RTCB: variants seen among roughly 807,000 people sequenced by gnomAD.
RTCB encodes the protein RNA-splicing ligase RTCB.
Under a neutral mutation model 58.2 loss-of-function variants are expected in RTCB, and 32 were observed. The ratio of observed to expected loss-of-function variants is 0.55; its 90% CI spans 0.41 to 0.74. The LOEUF (loss-of-function observed/expected upper bound fraction) is 0.74, where lower values mean the gene tolerates loss of function less well. Ranked by LOEUF, RTCB falls within the 30% of genes least tolerant of loss-of-function variation. The probability of loss-of-function intolerance (pLI) is 0.00; values close to 1 mark genes in which losing one functional copy is unlikely to be tolerated. For missense variants in RTCB, 523 were observed against 639.0 expected (o/e 0.82, Z 1.96); for synonymous variants, 247 against 218.6 (o/e 1.13, Z -1.15).
At chr22:32,408,883 T>C in intron 1 of RTCB, 50 bp from the exon 2 acceptor site, 2 of 1,286,036 alleles carry the variant, frequency 1.6e-6, no homozygotes, top group South Asian at 1.2e-5. Flanking sequence ...GCGCGGCAAG[T>C]GTAGGCACTG....
intron 7 of RTCB, among the ~76,000 whole-genome samples, chr22:32,397,656 G>C (rs1933268414): frequency 6.6e-6 from 1 of 152,162 alleles, no homozygotes; most frequent in South Asian, 2.1e-4. Context: ...TAACTCATAA[G>C]AGTAAACATA....
chr22:32,394,919 G>A (rs958033978), intron 9 of RTCB, 107 bp downstream of exon 9: 15 of 919,564 alleles, frequency 1.6e-5, no homozygotes, highest in Admixed American at 2.3e-5. Context: ...GAGTGACAGA[G>A]TATTTTCTTT....
chr22:32,408,952 G>A (rs919102424), intron 1 of RTCB, 119 bp from the exon 2 acceptor site: 61 of 717,732 alleles, frequency 8.5e-5, no homozygotes, highest in Non-Finnish European at 1.4e-4. Context: ...ACACTTTCAC[G>A]TTACCTTAAG....
rs761572342 is a variant in RTCB at position 32,394,017 on chromosome 22, A to C, written c.1180-15T>G. 7 of 1,539,592 alleles carry C rather than the reference A, an allele frequency of 4.5e-6. No individual in the cohort carries two copies. The highest frequency in any genetic ancestry group is 3.4e-4 in the Middle Eastern group (2 of 5,948). ...TGTCCAGTGAGCTGAGGATGCACATAAATCAAACATGTTAAAATTCAGAAA... is the reference window on the plus strand; with the variant it reads ...TGTCCAGTGAGCTGAGGATGCACATCAATCAAACATGTTAAAATTCAGAAA... On this transcript the variant is annotated splice_polypyrimidine_tract_variant and intron_variant, in intron 9 of 11. Transcript: ENST00000216038.
Position 32,406,774 on chromosome 22 carries a change from T to C in RTCB, c.241-13A>G, listed in dbSNP as rs1040741268. On this transcript the variant is annotated splice_polypyrimidine_tract_variant and intron_variant, in intron 3 of 11. Coordinates refer to ENST00000216038, the MANE Select transcript of RTCB (RefSeq NM_014306.5). ...GCCCAATAGATCGCTGAAAAAGAAT[T>C]AGAAAATGAAATACAAGTGTCTTGA... 6 of 1,587,352 alleles carry C rather than the reference T, an allele frequency of 3.8e-6. No homozygotes were observed. The highest frequency in any genetic ancestry group is 1.7e-4 in the Middle Eastern group (1 of 6,012).
intron 2 of RTCB, 86 bp downstream of exon 2, chr22:32,408,669 G>A (rs2076043): frequency 0.72 from 705,012 of 974,224 alleles, 256,284 homozygotes; most frequent in African/African-American, 0.87. Context: ...CAATATTTCA[G>A]AATTATAATT....
chr22:32,411,768 G>A (rs1933528458), intron 1 of RTCB, among the ~76,000 whole-genome samples: 1 of 152,142 alleles, frequency 6.6e-6, no homozygotes, highest in Non-Finnish European at 1.5e-5. Flanking sequence ...CTCACGATAC[G>A]TTTATGAGAC....
At chr22:32,396,325 A>G (rs1308312291) in intron 7 of RTCB, 76 bp from the exon 8 acceptor site, 8 of 1,431,844 alleles carry the variant, frequency 5.6e-6, no homozygotes, top group Non-Finnish European at 7.7e-6. Flanking sequence ...GCAGAAAGGT[A>G]GGCTACATTC....
intron 7 of RTCB, among the ~76,000 whole-genome samples, chr22:32,397,733 T>A (rs1933269652): frequency 6.6e-6 from 1 of 152,246 alleles, no homozygotes; most frequent in African/African-American, 2.4e-5. Context: ...TTACATATAT[T>A]ATTAACTTTC....
intron 10 of RTCB, chr22:32,392,614 T>G (rs1457271192): frequency 1.7e-6 from 1 of 582,638 alleles, no homozygotes; most frequent in African/African-American, 1.9e-5. Flanking sequence ...TAAGACCCAC[T>G]AAATGCCAAT....
At chr22:32,394,246 G>A (rs1207416067) in intron 9 of RTCB, among the ~76,000 whole-genome samples, 3 of 151,872 alleles carry the variant, frequency 2.0e-5, no homozygotes, top group African/African-American at 7.3e-5. Flanking sequence ...CGAGTTGCTG[G>A]GACCACAGGC....
intron 5 of RTCB, among the ~76,000 whole-genome samples, chr22:32,400,270 C>G (rs1428922454): frequency 2.0e-5 from 3 of 152,204 alleles, no homozygotes; most frequent in Non-Finnish European, 4.4e-5. Flanking sequence ...GTTTTCCCAT[C>G]TTCACAGAAG....
Position 32,408,822 on chromosome 22 carries a change from A to G in RTCB, c.105T>C (p.Val35=). Residue 35 remains valine, a synonymous_variant, in exon 2 of 12, where the codon GTT becomes GTC. Transcript: ENST00000216038. ...GFVPNMQVEG[V]FYVNDALEKL... The stretch of plus-strand genomic sequence containing the variant: ...TCTCCAGAGCATCATTCACATAGAA[A>G]ACACCTTCAACCTAGTACCAAGGAA... The G allele has an allele frequency of 6.2e-7, 1 of 1,613,410 alleles. No individual in the cohort carries two copies. The highest frequency in any genetic ancestry group is 8.5e-7 in the Non-Finnish European group (1 of 1,179,318).
chr22:32,407,236 A>G (rs1933440927), intron 3 of RTCB: 1 of 157,824 alleles, frequency 6.3e-6, no homozygotes, highest in Admixed American at 6.0e-5. Flanking sequence ...ACCCTGACCC[A>G]GGAAGAATGC....
intron 10 of RTCB, 129 bp from the exon 11 acceptor site, chr22:32,392,488 T>C: frequency 8.6e-7 from 1 of 1,166,598 alleles, no homozygotes; most frequent in Non-Finnish European, 1.2e-6. Context: ...TAACAGGCCT[T>C]TTAAACCTCA....
chr22:32,399,411 G>GT (rs1280205544), intron 6 of RTCB, among the ~76,000 whole-genome samples, 192 bp downstream of exon 6: 1 of 151,742 alleles, frequency 6.6e-6, no homozygotes, highest in African/African-American at 2.4e-5. Context: ...CTCAAAGCTG[G>GT]TGTGAGCCAC....
chr22:32,400,508 C>T (rs1933319208), intron 5 of RTCB, among the ~76,000 whole-genome samples: 2 of 152,188 alleles, frequency 1.3e-5, no homozygotes, highest in African/African-American at 4.8e-5. Context: ...AGAGCAGGGT[C>T]ACCCCATAGG....
chr22:32,392,418 G>A (rs1933168559), intron 10 of RTCB, 59 bp from the exon 11 acceptor site: 17 of 1,607,788 alleles, frequency 1.1e-5, no homozygotes, highest in Non-Finnish European at 1.4e-5. Flanking sequence ...CCCTTTCCCT[G>A]ATTTTCTCTC....
chr22:32,409,527 T>TGG (rs1569443548), intron 1 of RTCB, among the ~76,000 whole-genome samples: 5,253 of 152,282 alleles, frequency 0.034, 290 homozygotes, highest in African/African-American at 0.12. Flanking sequence ...ACAGGTCAAA[T>TGG]ATTGTGAAAG....
Sources: gnomAD v4.1 joint callset for allele counts (sites outside exome capture counted in the v4.1 genomes callset) on GRCh38, gnomAD v4.1.1 for gene constraint, MANE v1.5 for transcripts, NCBI Gene and HGNC (gene_info 2026-07-23, HGNC 2026-07-21) for gene names.